MDFIC2: variants seen among roughly 807,000 people sequenced by gnomAD.
MDFIC2 encodes MyoD family inhibitor domain containing 2.
chr3:70,216,225 A>T (rs1701410610), intron 2 of MDFIC2, among the ~76,000 whole-genome samples: 1 of 150,478 alleles, frequency 6.6e-6, no homozygotes, highest in South Asian at 2.1e-4. Flanking sequence ...ATATAAATCC[A>T]TATACAATTA....
At chr3:70,252,167 C>T (rs1169802691) in intron 2 of MDFIC2, among the ~76,000 whole-genome samples, 1 of 152,152 alleles carries the variant, frequency 6.6e-6, no homozygotes, top group Non-Finnish European at 1.5e-5. Flanking sequence ...GTGTAATTGA[C>T]CAATGTCCTG....
chr3:70,226,684 G>A (rs1385583535), intron 2 of MDFIC2, among the ~76,000 whole-genome samples: 2 of 149,824 alleles, frequency 1.3e-5, no homozygotes, highest in Non-Finnish European at 2.9e-5. Flanking sequence ...GTTGCAGTGA[G>A]CCGATATCGT....
At chr3:70,252,752 C>T (rs1431173974) in intron 2 of MDFIC2, among the ~76,000 whole-genome samples, 1 of 152,094 alleles carries the variant, frequency 6.6e-6, no homozygotes, top group East Asian at 1.9e-4. Flanking sequence ...GTGGATACAT[C>T]AGTGAACAAA....
At position 70,233,046 on chromosome 3, in the gene MDFIC2, G is replaced by A. The variant is rs1029497146; in HGVS notation, c.89-26256C>T. On this transcript the variant is annotated intron_variant, in intron 2 of 3. Transcript: ENST00000567252. ...TCTACTGAAAATACAAAAATTAGCCGGACATGGTGGCATGCGCCTGTGGTC... is the reference window on the plus strand; with the variant it reads ...TCTACTGAAAATACAAAAATTAGCCAGACATGGTGGCATGCGCCTGTGGTC... 3.3e-5 allele frequency among the ~76,000 whole-genome samples: 5 copies of A among 152,076 alleles called. 1 individual carries two copies. In the South Asian group the frequency reaches 8.3e-4, roughly 25 times the overall value.
At chr3:70,273,076 A>G (rs530455828) in intron 2 of MDFIC2, among the ~76,000 whole-genome samples, 6 of 152,200 alleles carry the variant, frequency 3.9e-5, no homozygotes, top group Non-Finnish European at 7.4e-5. Context: ...AAGTTCAGCC[A>G]GTGACCCAAG....
At chr3:70,208,928 G>A (rs961466408) in intron 2 of MDFIC2, among the ~76,000 whole-genome samples, 1 of 152,010 alleles carries the variant, frequency 6.6e-6, no homozygotes, top group Non-Finnish European at 1.5e-5. Context: ...CAGAAATAGG[G>A]ATTCAAGAAA....
chr3:70,240,783 T>G (rs1701660160), intron 2 of MDFIC2, among the ~76,000 whole-genome samples: 2 of 152,172 alleles, frequency 1.3e-5, no homozygotes, highest in South Asian at 4.1e-4. Context: ...TGAGTTATTT[T>G]CATACACCGG....
intron 2 of MDFIC2, among the ~76,000 whole-genome samples, chr3:70,245,673 A>T (rs1362229472): frequency 4.0e-5 from 2 of 50,330 alleles, no homozygotes; most frequent in Non-Finnish European, 3.4e-5. Flanking sequence ...AAACTGCTTT[A>T]TATATATATA....
intron 2 of MDFIC2, among the ~76,000 whole-genome samples, chr3:70,285,796 C>A (rs943915620): frequency 2.6e-5 from 4 of 152,158 alleles, no homozygotes; most frequent in African/African-American, 9.7e-5. Context: ...ATTTGCATTT[C>A]TCTGATGTCC....
chr3:70,279,031 T>C lies in MDFIC2; in HGVS notation c.88+32855A>G, dbSNP rs567866456. On this transcript the variant is annotated intron_variant, in intron 2 of 3. Coordinates refer to ENST00000567252, the MANE Select transcript of MDFIC2 (RefSeq NM_001364677.1). ...ATGTAGATGCCTATCAGTATCTAAT[T>C]TTCTCCCTTGTCAAGCTTTCTCCCT... 2.0e-5 allele frequency among the ~76,000 whole-genome samples: 3 copies of C among 150,948 alleles called. No individual in the cohort carries two copies. The East Asian group carries it at 5.9e-4, about 30-fold the overall frequency.
intron 2 of MDFIC2, among the ~76,000 whole-genome samples, chr3:70,311,208 G>A (rs763734729): frequency 2.6e-5 from 4 of 152,102 alleles, no homozygotes; most frequent in Non-Finnish European, 4.4e-5. Flanking sequence ...TGAAAAAGAC[G>A]CAGCATACCT....
chr3:70,200,178 C>G (rs779812473), intron 3 of MDFIC2, among the ~76,000 whole-genome samples: 1 of 152,220 alleles, frequency 6.6e-6, no homozygotes, highest in Non-Finnish European at 1.5e-5. Context: ...TGGCCACCAT[C>G]AGCCACCAGC....
At chr3:70,258,243 C>A (rs1020532247) in intron 2 of MDFIC2, among the ~76,000 whole-genome samples, 2 of 152,080 alleles carry the variant, frequency 1.3e-5, no homozygotes, top group Admixed American at 1.3e-4. Context: ...GCAACAATTT[C>A]TTAGATCAGA....
At chr3:70,210,238 C>A (rs986905472) in intron 2 of MDFIC2, among the ~76,000 whole-genome samples, 5 of 152,048 alleles carry the variant, frequency 3.3e-5, no homozygotes, top group African/African-American at 1.2e-4. Flanking sequence ...CATTAAGCAA[C>A]CATTTGGAGC....
intron 2 of MDFIC2, among the ~76,000 whole-genome samples, chr3:70,236,389 T>A (rs1449614426): frequency 6.6e-6 from 1 of 152,196 alleles, no homozygotes; most frequent in Non-Finnish European, 1.5e-5. Context: ...TTATTATACA[T>A]TTATATTTGG....
At chr3:70,274,891 G>T (rs1373493760) in intron 2 of MDFIC2, among the ~76,000 whole-genome samples, 3 of 152,106 alleles carry the variant, frequency 2.0e-5, no homozygotes, top group Non-Finnish European at 2.9e-5. Context: ...TAAACTCTGG[G>T]ATTTGCTCTG....
chr3:70,280,042 C>G (rs80177359), intron 2 of MDFIC2, among the ~76,000 whole-genome samples: 1 of 152,160 alleles, frequency 6.6e-6, no homozygotes, highest in African/African-American at 2.4e-5. Flanking sequence ...GTCAGTTTCA[C>G]TGGAGCAAAA....
intron 2 of MDFIC2, among the ~76,000 whole-genome samples, chr3:70,213,730 C>G (rs929651643): frequency 3.9e-5 from 6 of 152,100 alleles, no homozygotes; most frequent in African/African-American, 9.7e-5. Flanking sequence ...TGATTATACT[C>G]TCTGCAGCTT....
At chr3:70,223,501 T>C (rs1194526108) in intron 2 of MDFIC2, among the ~76,000 whole-genome samples, 1 of 152,164 alleles carries the variant, frequency 6.6e-6, no homozygotes. Flanking sequence ...GTTACTCTTG[T>C]AGATTTCAAG....
Sources: gnomAD v4.1 joint callset for allele counts (sites outside exome capture counted in the v4.1 genomes callset) on GRCh38, gnomAD v4.1.1 for gene constraint, MANE v1.5 for transcripts, NCBI Gene and HGNC (gene_info 2026-07-23, HGNC 2026-07-21) for gene names.